The following PCDH11Y variants were observed in gnomAD, a reference collection of about 807,000 sequenced individuals.
PCDH11Y encodes protocadherin 11 Y-linked, also known as protocadherin-11 Y-linked.
For synonymous variants in PCDH11Y, 9 were observed against 83.6 expected, an observed-to-expected ratio of 0.11 and a Z score of 4.87; for missense variants, 12 against 224.8, an observed-to-expected ratio of 0.05 and a Z score of 6.05.
chrY:5,726,877 C>A (rs2053599228), intron 4 of PCDH11Y, among the ~76,000 whole-genome samples: 1 of 32,956 alleles, frequency 3.0e-5, no homozygotes, highest in Non-Finnish European at 7.5e-5. Context: ...TTCATGCCTG[C>A]AATTATGGTT....
chrY:5,670,594 G>C, intron 4 of PCDH11Y, among the ~76,000 whole-genome samples: 5 of 32,628 alleles, frequency 1.5e-4, no homozygotes, highest in African/African-American at 3.6e-4. Context: ...TTTTGAGAAA[G>C]GTCTATTTAA....
intron 2 of PCDH11Y, among the ~76,000 whole-genome samples, chrY:5,326,769 A>G: frequency 3.0e-5 from 1 of 32,891 alleles, no homozygotes; most frequent in African/African-American, 1.2e-4. Context: ...TGCGTCAGGT[A>G]TGAGGAAGAA....
chrY:5,105,236 T>C (rs1330973002), downstream of PCDH11Y: 10 of 214,085 alleles, frequency 4.7e-5, no homozygotes, highest in Non-Finnish European at 5.0e-5. Context: ...AGCAAGACTC[T>C]GTCTCAAAAA....
At chrY:5,694,256 C>T (rs2053569985) in intron 4 of PCDH11Y, among the ~76,000 whole-genome samples, 1 of 32,599 alleles carries the variant, frequency 3.1e-5, no homozygotes, top group African/African-American at 1.2e-4. Context: ...TTCATCACTT[C>T]ATTCTATTTG....
intron 2 of PCDH11Y, among the ~76,000 whole-genome samples, chrY:5,445,082 G>A: frequency 8.8e-5 from 2 of 22,705 alleles, no homozygotes; most frequent in Non-Finnish European, 2.0e-4. Context: ...ATTACAAAGA[G>A]GCGCAAGGAA....
chrY:5,643,512 G>A, intron 4 of PCDH11Y, among the ~76,000 whole-genome samples: 1 of 31,592 alleles, frequency 3.2e-5, no homozygotes, highest in Admixed American at 3.0e-4. Flanking sequence ...CATAAATCAG[G>A]TTAACAGGGG....
At chrY:5,401,968 C>T in intron 2 of PCDH11Y, among the ~76,000 whole-genome samples, 3 of 33,509 alleles carry the variant, frequency 9.0e-5, no homozygotes, top group African/African-American at 3.5e-4. Context: ...CTTTAGGCTT[C>T]GCACACTAAT....
chrY:5,283,571 T>A, intron 2 of PCDH11Y, among the ~76,000 whole-genome samples: 1 of 31,422 alleles, frequency 3.2e-5, no homozygotes, highest in Non-Finnish European at 7.8e-5. Flanking sequence ...GTTTCTAAAA[T>A]ATAAAAACCC....
At chrY:5,601,109 C>T (rs2053472340) in intron 4 of PCDH11Y, among the ~76,000 whole-genome samples, 6 of 34,217 alleles carry the variant, frequency 1.8e-4, no homozygotes, top group African/African-American at 6.9e-4. Context: ...CTCACTGTAG[C>T]CTAGAACTGC....
At chrY:5,088,709 A>C in intron 1 of PCDH11Y, among the ~76,000 whole-genome samples, 1 of 32,967 alleles carries the variant, frequency 3.0e-5, no homozygotes, top group Non-Finnish European at 7.4e-5. Flanking sequence ...TTTCGTTGCT[A>C]TGGGGCATAG....
At position 5,258,611 on chromosome Y, in the gene PCDH11Y, C is replaced by T. The variant is rs2124657741; in HGVS notation, c.3129+157904C>T. ...TTAATTTCCCTGTGTTTGTATAGTT[C>T]CCAAATACCTCTTGTTATTGATTTC... On this transcript the variant is annotated intron_variant, in intron 2 of 4. Coordinates refer to the PCDH11Y transcript ENST00000400457. 9.6e-5 allele frequency among the ~76,000 whole-genome samples: 3 copies of T among 31,387 alleles called. No homozygotes were observed. In the East Asian group the frequency reaches 2.5e-3, roughly 26 times the overall value. 84.2% of individuals were successfully genotyped at this position (31,387 alleles called of 37,273 possible). A position where few individuals can be genotyped will look rare whatever the true frequency, so the allele number is the denominator to read the frequency against.
intron 2 of PCDH11Y, among the ~76,000 whole-genome samples, chrY:5,325,696 G>A (rs2124666397): frequency 3.0e-5 from 1 of 33,279 alleles, no homozygotes; most frequent in Admixed American, 2.8e-4. Flanking sequence ...TGATGGCTTG[G>A]AGAAACAGTG....
At chrY:5,217,809 T>C (rs2124652030) in intron 2 of PCDH11Y, among the ~76,000 whole-genome samples, 1 of 34,121 alleles carries the variant, frequency 2.9e-5, no homozygotes, top group South Asian at 6.3e-4. Context: ...AAGTTTAGAG[T>C]CCTTTCAGAT....
intron 1 of PCDH11Y, among the ~76,000 whole-genome samples, chrY:5,067,991 C>A: frequency 6.4e-5 from 1 of 15,716 alleles, no homozygotes; most frequent in Non-Finnish European, 1.2e-4. Flanking sequence ...CCAGCCTGGG[C>A]GACAGAGTAA....
intron 2 of PCDH11Y, among the ~76,000 whole-genome samples, chrY:5,273,970 A>G (rs2053040890): frequency 3.0e-5 from 1 of 32,973 alleles, no homozygotes; most frequent in African/African-American, 1.2e-4. Flanking sequence ...AACCCATCTG[A>G]TAAGAATTTA....
chrY:5,024,793 T>A (rs2052576263), intron 1 of PCDH11Y, among the ~76,000 whole-genome samples: 1 of 32,772 alleles, frequency 3.1e-5, no homozygotes, highest in African/African-American at 1.2e-4. Flanking sequence ...CCATCAGTTA[T>A]CTTTTTCATT....
chrY:5,088,535 T>C (rs2052735389), intron 1 of PCDH11Y, among the ~76,000 whole-genome samples: 2 of 33,507 alleles, frequency 6.0e-5, no homozygotes, highest in African/African-American at 2.3e-4. Flanking sequence ...ATTTCATACA[T>C]GTTATTAATC....
At chrY:5,593,213 C>G in intron 4 of PCDH11Y, among the ~76,000 whole-genome samples, 1 of 32,416 alleles carries the variant, frequency 3.1e-5, no homozygotes, top group African/African-American at 1.2e-4. Context: ...CCTTTTAATT[C>G]TTTTTTCCCT....
chrY:5,657,825 C>A (rs1602957032), intron 4 of PCDH11Y, among the ~76,000 whole-genome samples: 1 of 33,738 alleles, frequency 3.0e-5, no homozygotes, highest in African/African-American at 1.1e-4. Flanking sequence ...AAACTGATGA[C>A]AACATAGCAA....
Sources: allele counts gnomAD v4.1 joint callset (sites outside exome capture counted in the v4.1 genomes callset), GRCh38; gene constraint gnomAD v4.1.1; transcripts MANE v1.5; gene names NCBI Gene and HGNC (gene_info 2026-07-23, HGNC 2026-07-21).